Variants in TXK observed in about 807,000 individuals in gnomAD.
The protein encoded by TXK is tyrosine-protein kinase TXK.
A neutral mutation model predicts 81.0 loss-of-function variants in TXK; 60 were observed. That is an observed-to-expected ratio of 0.74 (90% CI 0.60 to 0.92). TXK has a LOEUF of 0.92. TXK is among the 40% of genes least tolerant of loss of function. TXK has a pLI of 0.00. For missense variants in TXK, 581 were observed against 638.3 expected (o/e 0.91, Z 0.97); for synonymous variants, 203 against 210.7 (o/e 0.96, Z 0.32).
chr4:48,076,844 G>C (rs898935717), intron 11 of TXK, among the ~76,000 whole-genome samples: 2 of 152,070 alleles, frequency 1.3e-5, no homozygotes, highest in Non-Finnish European at 2.9e-5. Flanking sequence ...GCCCACGCTG[G>C]TCTTGAACTC....
intron 6 of TXK, 147 bp downstream of exon 6, chr4:48,104,754 T>G: frequency 1.7e-6 from 1 of 602,074 alleles, no homozygotes; most frequent in Non-Finnish European, 2.9e-6. Flanking sequence ...TATATCTGAT[T>G]TACAACTTCA....
At chr4:48,103,395 C>G (rs1001605302) in intron 6 of TXK, among the ~76,000 whole-genome samples, 1 of 152,214 alleles carries the variant, frequency 6.6e-6, no homozygotes, top group African/African-American at 2.4e-5. Context: ...CTGCCACACT[C>G]AGTTTCCTCC....
chr4:48,099,677 T>G (rs1302290875), intron 6 of TXK, among the ~76,000 whole-genome samples: 1 of 152,148 alleles, frequency 6.6e-6, no homozygotes, highest in Non-Finnish European at 1.5e-5. Context: ...CCTCTGTACT[T>G]AAAACAGTGT....
chr4:48,072,563 C>A (rs931418838), intron 13 of TXK, among the ~76,000 whole-genome samples: 2 of 152,216 alleles, frequency 1.3e-5, no homozygotes, highest in African/African-American at 2.4e-5. Context: ...GAAACTCCTG[C>A]AAGAACTCCT....
At chr4:48,108,537 C>T (rs1471480571) in intron 5 of TXK, among the ~76,000 whole-genome samples, 1 of 152,166 alleles carries the variant, frequency 6.6e-6, no homozygotes, top group Non-Finnish European at 1.5e-5. Context: ...AGTACTTCAA[C>T]CTAGGGCAGT....
In TXK at chr4:48,094,252, G is replaced by A. The variant is rs571439400; in HGVS notation, c.582-48C>T. 5.1e-5 allele frequency: 81 copies of A among 1,600,086 alleles called. No individual in the cohort carries two copies. In the East Asian group the frequency reaches 1.7e-3, roughly 34 times the overall value. ...TACTAGAAATGTGAAAGATCAATTT[G>A]GATCTAAGCCAACTCATTAAACAAC... On this transcript the variant is annotated intron_variant, in intron 7 of 14. Coordinates refer to ENST00000264316, the MANE Select transcript of TXK (RefSeq NM_003328.3).
Position 48,086,630 on chromosome 4 carries a change from C to T in TXK, c.792G>A (p.Trp264Ter). The change falls in exon 10 of 15, where the codon TGG becomes TGA. Residue 264 changes from tryptophan (W) to a stop codon, truncating the protein, a stop_gained. Transcript: ENST00000264316. LOFTEE classifies it high-confidence loss of function. ...AAGCCAACTCAGATGGATCTATCTC[C>T]CACTTTTCTGAAAAAGTAAAACATC... ...PATAGFSYEK[W>*]EIDPSELAFI... is the part of the protein sequence containing the mutation. 1 of 1,612,820 alleles carries T rather than the reference C, an allele frequency of 6.2e-7. No homozygotes were observed. The highest frequency in any genetic ancestry group is 1.3e-5 in the African/African-American group (1 of 74,930).
intron 1 of TXK, among the ~76,000 whole-genome samples, chr4:48,115,637 A>G (rs1480159306): frequency 6.6e-6 from 1 of 152,142 alleles, no homozygotes; most frequent in East Asian, 1.9e-4. Flanking sequence ...GCTTGAGCCC[A>G]GGAGTTCGAG....
chr4:48,075,582 C>A (rs903788305), intron 12 of TXK, among the ~76,000 whole-genome samples: 1 of 151,708 alleles, frequency 6.6e-6, no homozygotes. Flanking sequence ...CCTGGGAGGT[C>A]GAGGCTGCAG....
chr4:48,109,504 A>C (rs970527276), intron 5 of TXK: 4 of 152,192 alleles, frequency 2.6e-5, no homozygotes, highest in African/African-American at 7.2e-5. Context: ...AAATGGCTCC[A>C]ATAGAGACAG....
chr4:48,113,405 G>T lies in TXK; in HGVS notation c.72-96C>A, dbSNP rs1199761923. ...TCACAGAAATAGCAGAAAAATCCAG[G>T]TCTCTTTCCAACTCCATTTTCATTT... On this transcript the variant is annotated intron_variant, in intron 2 of 14. Coordinates refer to ENST00000264316, the MANE Select transcript of TXK (RefSeq NM_003328.3). The T allele has an allele frequency of 4.3e-6, 4 of 929,006 alleles. No individual in the cohort carries two copies. The Admixed American group carries it at 8.8e-5, about 21-fold the overall frequency. The allele number at this position is 929,006 out of a possible 1,614,324, so 57.5% of individuals were successfully genotyped here. A position where few individuals can be genotyped will look rare whatever the true frequency, so the allele number is the denominator to read the frequency against.
At chr4:48,105,122 T>C (rs1396241336) in intron 5 of TXK, among the ~76,000 whole-genome samples, 167 bp from the exon 6 acceptor site, 2 of 152,164 alleles carry the variant, frequency 1.3e-5, no homozygotes, top group East Asian at 3.8e-4. Context: ...GTTAATTAAG[T>C]TTAAAATAAT....
At chr4:48,101,225 C>T (rs2109447884) in intron 6 of TXK, among the ~76,000 whole-genome samples, 1 of 152,064 alleles carries the variant, frequency 6.6e-6, no homozygotes, top group Non-Finnish European at 1.5e-5. Flanking sequence ...TTAAAATAGG[C>T]AATTCTCTAG....
chr4:48,117,675 G>C (rs968766100), intron 1 of TXK, among the ~76,000 whole-genome samples: 1 of 152,210 alleles, frequency 6.6e-6, no homozygotes, highest in African/African-American at 2.4e-5. Flanking sequence ...AATGGTGAGA[G>C]AGGCTGCTCC....
rs1716616254 is a variant in TXK, at chr4:48,066,679, G to C, written c.*958C>G. ...CTCAGAATGATAAAGATAAATTTCT[G>C]ATCATTCCTACAAAGAGTGCAGGCA... is the stretch of plus-strand genomic sequence containing the variant. On this transcript the variant is annotated 3_prime_UTR_variant, in exon 15 of 15. Transcript: ENST00000264316. 1 of 152,122 alleles carries C rather than the reference G, an allele frequency of 6.6e-6. No individual in the cohort carries two copies. The highest frequency in any genetic ancestry group is 2.1e-4 in the South Asian group (1 of 4,830). 9.4% of individuals were successfully genotyped at this position (152,122 alleles called of 1,614,324 possible).
At chr4:48,119,971 T>A (rs1299748665) in intron 1 of TXK, among the ~76,000 whole-genome samples, 5 of 152,000 alleles carry the variant, frequency 3.3e-5, no homozygotes, top group African/African-American at 1.2e-4. Context: ...TGGCAAAATG[T>A]TGTGCCCAAG....
chr4:48,117,991 T>C (rs1039136596), intron 1 of TXK, among the ~76,000 whole-genome samples: 2 of 152,194 alleles, frequency 1.3e-5, no homozygotes, highest in African/African-American at 4.8e-5. Context: ...TCTGGTTATA[T>C]CTTCCTATTC....
At chr4:48,086,714 G>C in intron 9 of TXK, 77 bp from the exon 10 acceptor site, 1 of 1,376,068 alleles carries the variant, frequency 7.3e-7, no homozygotes, top group African/African-American at 1.4e-5. Flanking sequence ...TGTTTAGGAA[G>C]TATCTATTAT....
At chr4:48,099,851 C>T (rs1718118955) in intron 6 of TXK, among the ~76,000 whole-genome samples, 1 of 152,196 alleles carries the variant, frequency 6.6e-6, no homozygotes, top group Admixed American at 6.5e-5. Context: ...ATATCTCACT[C>T]CTTACATCAG....
Sources: gnomAD v4.1 joint callset for allele counts (sites outside exome capture counted in the v4.1 genomes callset) on GRCh38, gnomAD v4.1.1 for gene constraint, MANE v1.5 for transcripts, NCBI Gene and HGNC (gene_info 2026-07-23, HGNC 2026-07-21) for gene names.